PLK4: variants seen among roughly 807,000 people sequenced by gnomAD.
PLK4 encodes serine/threonine-protein kinase PLK4.
PLK4 carries 51 observed loss-of-function variants against 103.0 expected under a neutral mutation model. The observed-to-expected ratio is 0.50, with a 90% CI of 0.40 to 0.63. The LOEUF is 0.63. Ranked by LOEUF, PLK4 falls within the 20% of genes least tolerant of loss-of-function variation. The pLI is 0.00. For missense variants in PLK4, 1,054 were observed against 1,151.0 expected (o/e 0.92, Z 1.22); for synonymous variants, 389 against 376.8 (o/e 1.03, Z -0.38).
At chr4:127,881,791 T>C (rs1443356903) in intron 1 of PLK4, 40 bp from the exon 2 acceptor site, 1 of 1,164,224 alleles carries the variant, frequency 8.6e-7, no homozygotes, top group Non-Finnish European at 1.3e-6. Flanking sequence ...TCCTTTCTAC[T>C]GTGAGTCATC....
chr4:127,887,146 T>C (rs1735167017), intron 5 of PLK4, among the ~76,000 whole-genome samples: 1 of 152,184 alleles, frequency 6.6e-6, no homozygotes, highest in African/African-American at 2.4e-5. Context: ...TCTGTTCATT[T>C]TGTGATTTTT....
Position 127,881,089 on chromosome 4 carries a change from G to A in PLK4, c.-46G>A. The A allele has an allele frequency of 6.2e-7, 1 of 1,610,514 alleles. No individual in the cohort carries two copies. ...CTTGGAGCGCTGCCTCGAAGGGACTGCGTGAAGGAAGCTAATCCGGAGAAC... is the reference window on the plus strand; with the variant it reads ...CTTGGAGCGCTGCCTCGAAGGGACTACGTGAAGGAAGCTAATCCGGAGAAC... On this transcript the variant is annotated 5_prime_UTR_variant, in exon 1 of 16. Transcript: ENST00000270861.
chr4:127,887,543 C>G, intron 6 of PLK4, 47 bp downstream of exon 6: 3 of 1,103,670 alleles, frequency 2.7e-6, no homozygotes, highest in Non-Finnish European at 4.1e-6. Context: ...TACTTGGAAA[C>G]TTACCAAGCA....
chr4:127,886,175 T>C lies in PLK4; in HGVS notation c.805T>C (p.Ser269Pro). 6.2e-7 allele frequency: 1 copy of C among 1,614,040 alleles called. No individual in the cohort carries two copies. The highest frequency in any genetic ancestry group is 8.5e-7 in the Non-Finnish European group (1 of 1,179,978). ...GGACCATCCTTTTATGTCCCGAAATTCTTCAACAAAAAGTAAAGATTTAGG... is the reference window on the plus strand; with the variant it reads ...GGACCATCCTTTTATGTCCCGAAATCCTTCAACAAAAAGTAAAGATTTAGG... The part of the protein sequence containing the change: ...VLDHPFMSRN[S>P]STKSKDLGTV... Residue 269 changes from serine (S) to proline (P), a missense_variant, in exon 5 of 16, where the codon TCT becomes CCT. Coordinates refer to ENST00000270861, the MANE Select transcript of PLK4 (RefSeq NM_014264.5).
chr4:127,898,413 G>A lies in PLK4; in HGVS notation c.2811-26G>A, dbSNP rs775393962. The A allele has an allele frequency of 6.6e-6, 7 of 1,053,294 alleles. No homozygotes were observed. In the East Asian group the frequency reaches 1.2e-4, roughly 18 times the overall value. The allele number at this position is 1,053,294 out of a possible 1,614,324, so 65.2% of individuals were successfully genotyped here. A position where few individuals can be genotyped will look rare whatever the true frequency, so the allele number is the denominator to read the frequency against. On this transcript the variant is annotated intron_variant, in intron 15 of 15. Transcript: ENST00000270861. ...AACCAAGTAATTCAGTTACGATTTTGTCTTTTTTTCTTTTGCTTCACTTAG... is the reference window on the plus strand; with the variant it reads ...AACCAAGTAATTCAGTTACGATTTTATCTTTTTTTCTTTTGCTTCACTTAG...
Position 127,898,615 on chromosome 4 carries a change from A to G in PLK4, c.*74A>G. The G allele has an allele frequency of 1.4e-6, 1 of 738,336 alleles. No individual in the cohort carries two copies. The highest frequency in any genetic ancestry group is 2.3e-6 in the Non-Finnish European group (1 of 429,454). The allele number at this position is 738,336 out of a possible 1,614,324, so 45.7% of individuals were successfully genotyped here. The stretch of plus-strand genomic sequence containing the variant: ...ACTTTCAAGTAAAGTGATTTTTTTT[A>G]ATTTAACATAAAGTCTTCAGAAAGC... On this transcript the variant is annotated 3_prime_UTR_variant, in exon 16 of 16. Coordinates refer to ENST00000270861, the MANE Select transcript of PLK4 (RefSeq NM_014264.5).
rs199771668 is a variant in PLK4, at chr4:127,883,297, A to C, written c.162A>C (p.Val54=). ...AAGCCATGTACAAAGCAGGAATGGT[A>C]CAGAGAGTCCAAAATGAGGTGAAAA... ...DKKAMYKAGM[V]QRVQNEVKIH... The change falls in exon 3 of 16, where the codon GTA becomes GTC. Residue 54 remains valine, a synonymous_variant. Coordinates refer to ENST00000270861, the MANE Select transcript of PLK4 (RefSeq NM_014264.5). 1 of 1,598,174 alleles carries C rather than the reference A, an allele frequency of 6.3e-7. No homozygotes were observed.
intron 14 of PLK4, among the ~76,000 whole-genome samples, chr4:127,896,391 T>G (rs1165300212): frequency 6.6e-6 from 1 of 152,198 alleles, no homozygotes; most frequent in African/African-American, 2.4e-5. Flanking sequence ...AAAGAAATTC[T>G]TGTGGCTTAA....
chr4:127,896,370 C>T (rs1735565587), intron 14 of PLK4, among the ~76,000 whole-genome samples: 1 of 152,110 alleles, frequency 6.6e-6, no homozygotes, highest in Non-Finnish European at 1.5e-5. Flanking sequence ...ATGTAATATT[C>T]TCAGGCCAGG....
chr4:127,886,185 A>G lies in PLK4; in HGVS notation c.815A>G (p.Lys272Arg). 6.2e-7 allele frequency: 1 copy of G among 1,614,070 alleles called. No homozygotes were observed. The highest frequency in any genetic ancestry group is 8.5e-7 in the Non-Finnish European group (1 of 1,180,002). Reference protein sequence around the residue: ...HPFMSRNSSTKSKDLGTVEDS... With the variant: ...HPFMSRNSSTRSKDLGTVEDS... ...TTTATGTCCCGAAATTCTTCAACAAAAAGTAAAGATTTAGGAACTGTGGAA... is the reference window on the plus strand; with the variant it reads ...TTTATGTCCCGAAATTCTTCAACAAGAAGTAAAGATTTAGGAACTGTGGAA... Residue 272 changes from lysine (K) to arginine (R), a missense_variant, in exon 5 of 16, where the codon AAA becomes AGA. Physicochemically the swap from Lys to Arg is conservative, Grantham distance 26. Transcript: ENST00000270861.
At position 127,898,677 on chromosome 4, in the gene PLK4, A is replaced by T. The variant is rs1313133260; in HGVS notation, c.*136A>T. 1.7e-6 allele frequency: 1 copy of T among 578,360 alleles called. No individual in the cohort carries two copies. The highest frequency in any genetic ancestry group is 3.0e-6 in the Non-Finnish European group (1 of 328,580). 35.8% of individuals were successfully genotyped at this position (578,360 alleles called of 1,614,324 possible). On this transcript the variant is annotated 3_prime_UTR_variant, in exon 16 of 16. Transcript: ENST00000270861. Reference sequence around the variant, plus strand: ...AGAATTTTAACCTATAATGTAAAGGATGTATTCTGAGAGAACAAAGCAGAA... The same window carrying T: ...AGAATTTTAACCTATAATGTAAAGGTTGTATTCTGAGAGAACAAAGCAGAA...
In PLK4 at chr4:127,886,098, A is replaced by G. The variant is rs866279159; in HGVS notation, c.728A>G (p.His243Arg). ...FLSIEAKDLIHQLLRRNPADR... is the reference protein window; with the variant it reads ...FLSIEAKDLIRQLLRRNPADR... ...TCAATAGAGGCCAAGGACCTTATTCACCAGTTACTTCGTAGAAATCCAGCA... is the reference window on the plus strand; with the variant it reads ...TCAATAGAGGCCAAGGACCTTATTCGCCAGTTACTTCGTAGAAATCCAGCA... Residue 243 changes from histidine to arginine, a missense_variant, in exon 5 of 16, where the codon CAC becomes CGC. Transcript: ENST00000270861. The G allele has an allele frequency of 1.2e-6, 2 of 1,614,208 alleles. No individual in the cohort carries two copies. The highest frequency in any genetic ancestry group is 2.2e-5 in the South Asian group (2 of 91,086).
In PLK4 at chr4:127,896,897, C is replaced by T; in HGVS notation, c.2800C>T (p.Gln934Ter). 6.3e-7 allele frequency: 1 copy of T among 1,577,172 alleles called. No homozygotes were observed. Among genetic ancestry groups the T allele is most frequent in the Non-Finnish European group, 8.7e-7 (1 of 1,147,368 alleles). Residue 934 changes from glutamine (Q) to a stop codon, truncating the protein, a stop_gained, in exon 15 of 16, where the codon CAA (glutamine) becomes TAA (stop). Coordinates refer to ENST00000270861, the MANE Select transcript of PLK4 (RefSeq NM_014264.5). LOFTEE classifies it high-confidence loss of function. ...TATCAGTTATACCTCACCAAATGGTCAAACAACTAGGTAAGTTCTTAAAAT... is the reference window on the plus strand; with the variant it reads ...TATCAGTTATACCTCACCAAATGGTTAAACAACTAGGTAAGTTCTTAAAAT... ...SSISYTSPNG[Q>*]TTRYGENEKL...
In PLK4 at chr4:127,898,693, C is replaced by G; in HGVS notation, c.*152C>G. ...ATGTAAAGGATGTATTCTGAGAGAA[C>G]AAAGCAGAATGAAACTTGAGTCACT... On this transcript the variant is annotated 3_prime_UTR_variant, in exon 16 of 16. Transcript: ENST00000270861. The G allele has an allele frequency of 1.9e-6, 1 of 537,254 alleles. No homozygotes were observed. The highest frequency in any genetic ancestry group is 1.9e-5 in the African/African-American group (1 of 51,534). The allele number at this position is 537,254 out of a possible 1,614,324, so 33.3% of individuals were successfully genotyped here. A position where few individuals can be genotyped will look rare whatever the true frequency, so the allele number is the denominator to read the frequency against.
chr4:127,898,426 T>A lies in PLK4; in HGVS notation c.2811-13T>A. 1 of 1,224,974 alleles carries A rather than the reference T, an allele frequency of 8.2e-7. No individual in the cohort carries two copies. Among genetic ancestry groups the A allele is most frequent in the East Asian group, 2.3e-5 (1 of 42,668 alleles). 75.9% of individuals were successfully genotyped at this position (1,224,974 alleles called of 1,614,324 possible). On this transcript the variant is annotated splice_polypyrimidine_tract_variant and intron_variant, in intron 15 of 15. Transcript: ENST00000270861. ...AGTTACGATTTTGTCTTTTTTTCTTTTGCTTCACTTAGGTATGGAGAAAAT... is the reference window on the plus strand; with the variant it reads ...AGTTACGATTTTGTCTTTTTTTCTTATGCTTCACTTAGGTATGGAGAAAAT...
At position 127,891,108 on chromosome 4, in the gene PLK4, C is replaced by A; in HGVS notation, c.1847C>A (p.Ser616Ter). ...TTTTTTTAGGTGAGCATACTTGATT[C>A]AGAGGAGGTGTGTGTGGAGCTTGTA... ...TKKAVVSILD[S>*]EEVCVELVKE... Residue 616 changes from serine to a stop codon, truncating the protein, a stop_gained, in exon 8 of 16, where the codon TCA becomes TAA. Transcript: ENST00000270861. LOFTEE classifies it high-confidence loss of function. 4 of 1,540,284 alleles carry A rather than the reference C, an allele frequency of 2.6e-6. No individual in the cohort carries two copies. The highest frequency in any genetic ancestry group is 1.2e-5 in the South Asian group (1 of 83,236).
In PLK4 at chr4:127,892,474, G is replaced by A. The variant is rs1160220084; in HGVS notation, c.2148G>A (p.Glu716=). The A allele has an allele frequency of 6.2e-7, 1 of 1,601,106 alleles. No homozygotes were observed. The highest frequency in any genetic ancestry group is 8.5e-7 in the Non-Finnish European group (1 of 1,174,334). The change falls in exon 10 of 16, where the codon GAG becomes GAA. Residue 716 remains glutamate (E), a synonymous_variant. Transcript: ENST00000270861. ...GATATGCTAAATGCATTTTGATGGA[G>A]AATTCTCCTGGTGCTGATTTTGAGG... is the stretch of plus-strand genomic sequence containing the variant. The part of the protein sequence containing the change: ...FTRYAKCILM[E]NSPGADFEVW...
chr4:127,891,748 A>G (rs1255392833), intron 9 of PLK4, 67 bp downstream of exon 9: 5 of 480,922 alleles, frequency 1.0e-5, no homozygotes, highest in African/African-American at 8.1e-5. Flanking sequence ...TAAACTCTAT[A>G]TATAGATATA....
chr4:127,894,994 T>A lies in PLK4; in HGVS notation c.2604T>A (p.Ser868=). ...GACTTGGTCTTACAACTACAGCTTC[T>A]GGAACAGACATCTCTTCTAATAGTC... ...NEGLGLTTTA[S]GTDISSNSLK... is the part of the protein sequence containing the mutation. Residue 868 remains serine (S), a synonymous_variant, in exon 14 of 16, where the codon TCT becomes TCA. Transcript: ENST00000270861. 6.2e-7 allele frequency: 1 copy of A among 1,606,480 alleles called. No individual in the cohort carries two copies. Among genetic ancestry groups the A allele is most frequent in the African/African-American group, 1.3e-5 (1 of 74,882 alleles).
Sources: allele counts gnomAD v4.1 joint callset (sites outside exome capture counted in the v4.1 genomes callset), GRCh38; gene constraint gnomAD v4.1.1; transcripts MANE v1.5; gene names NCBI Gene and HGNC (gene_info 2026-07-23, HGNC 2026-07-21).